Variants in EFR3B observed in about 807,000 individuals in gnomAD.
EFR3B encodes EFR3 homolog B, also known as protein EFR3 homolog B.
EFR3B carries 64 observed loss-of-function variants against 104.7 expected under a neutral mutation model. The ratio of observed to expected loss-of-function variants is 0.61; its 90% confidence interval spans 0.50 to 0.75. EFR3B has a LOEUF of 0.75. Ranked by LOEUF, EFR3B falls within the 30% of genes least tolerant of loss-of-function variation. The pLI, the probability that EFR3B is intolerant of heterozygous loss-of-function variation, is 0.00. For missense variants in EFR3B, 750 were observed against 1,078.5 expected (o/e 0.70, Z 4.27); for synonymous variants, 385 against 417.9 (o/e 0.92, Z 0.96).
chr2:25,065,768 C>T (rs1432926022), intron 1 of EFR3B, among the ~76,000 whole-genome samples: 3 of 152,136 alleles, frequency 2.0e-5, no homozygotes, highest in Admixed American at 6.6e-5. Flanking sequence ...CCCTGGGGTC[C>T]TTGTCTCCTT....
intron 1 of EFR3B, chr2:25,058,035 G>A (rs1232654577): frequency 6.6e-6 from 1 of 152,170 alleles, no homozygotes; most frequent in East Asian, 1.9e-4. Flanking sequence ...ATATGTAGCT[G>A]GCATGGTGAC....
chr2:25,109,707 TGAA>T (rs1429888500), intron 4 of EFR3B, among the ~76,000 whole-genome samples: 1 of 152,022 alleles, frequency 6.6e-6, no homozygotes, highest in Non-Finnish European at 1.5e-5. Flanking sequence ...GTTTGCCAGG[TGAA>T]GGGGGAGAGA....
intron 3 of EFR3B, among the ~76,000 whole-genome samples, chr2:25,100,783 C>T (rs763391337): frequency 6.6e-6 from 1 of 152,120 alleles, no homozygotes; most frequent in Non-Finnish European, 1.5e-5. Flanking sequence ...TGAGCCACAG[C>T]GCCCGGCCTC....
At chr2:25,068,487 A>G (rs2149173072) in intron 1 of EFR3B, among the ~76,000 whole-genome samples, 1 of 152,302 alleles carries the variant, frequency 6.6e-6, no homozygotes, top group South Asian at 2.1e-4. Context: ...AGCCTCATTC[A>G]TTATGCTCAT....
At chr2:25,049,052 G>A (rs1325065366) in intron 1 of EFR3B, among the ~76,000 whole-genome samples, 1 of 152,152 alleles carries the variant, frequency 6.6e-6, no homozygotes, top group Non-Finnish European at 1.5e-5. Context: ...ATTGGTCAAG[G>A]TATATAAACA....
chr2:25,151,011 G>A (rs1260084033), intron 20 of EFR3B, among the ~76,000 whole-genome samples: 1 of 149,696 alleles, frequency 6.7e-6, no homozygotes, highest in African/African-American at 2.5e-5. Flanking sequence ...CTTGAGCCCA[G>A]AAGTTTGAGA....
chr2:25,145,650 A>G (rs1558620572), intron 19 of EFR3B: 1 of 153,102 alleles, frequency 6.5e-6, no homozygotes, highest in East Asian at 1.9e-4. Context: ...GTTGGAAACT[A>G]GAAGACTTAA....
chr2:25,113,542 C>T (rs1669779315), intron 4 of EFR3B, among the ~76,000 whole-genome samples: 1 of 151,974 alleles, frequency 6.6e-6, no homozygotes, highest in African/African-American at 2.4e-5. Context: ...GTGGCGGGCG[C>T]CTGTAGTGCC....
chr2:25,074,620 C>CT lies in EFR3B; in HGVS notation c.8-16691dup, dbSNP rs771237285. Among the ~76,000 whole-genome samples, 1,126 of 144,202 alleles carry CT rather than the reference C, an allele frequency of 7.8e-3. 10 individuals carry two copies. Among genetic ancestry groups the CT allele is most frequent in the African/African-American group, 0.023 (929 of 39,696 alleles). The allele number at this position is 144,202 out of a possible 152,430, so 94.6% of individuals were successfully genotyped here. On this transcript the variant is annotated intron_variant, in intron 1 of 22. Coordinates refer to ENST00000403714, the MANE Select transcript of EFR3B (RefSeq NM_014971.2). Reference sequence around the variant, plus strand: ...CATCTTTGCCTTCACTATCTGCCAACTTTTTTTTTTTTTTGAGACAAGAGT... The same window carrying CT: ...CATCTTTGCCTTCACTATCTGCCAACTTTTTTTTTTTTTTTGAGACAAGAGT...
At chr2:25,141,620 C>T (rs1670668338) in intron 17 of EFR3B, among the ~76,000 whole-genome samples, 187 bp downstream of exon 17, 1 of 152,250 alleles carries the variant, frequency 6.6e-6, no homozygotes, top group African/African-American at 2.4e-5. Flanking sequence ...TTACTGCAGT[C>T]CATGCCTCGA....
intron 4 of EFR3B, among the ~76,000 whole-genome samples, chr2:25,105,433 G>A (rs1327559348): frequency 1.3e-5 from 2 of 152,252 alleles, no homozygotes; most frequent in Non-Finnish European, 2.9e-5. Context: ...TTACAGGCGT[G>A]AGCCACCACG....
At chr2:25,049,008 G>A (rs571099608) in intron 1 of EFR3B, among the ~76,000 whole-genome samples, 8 of 152,026 alleles carry the variant, frequency 5.3e-5, no homozygotes, top group Non-Finnish European at 7.4e-5. Context: ...TCCTACTAGC[G>A]GAATTTTTCC....
chr2:25,047,423 A>G (rs2149162322), intron 1 of EFR3B, among the ~76,000 whole-genome samples: 1 of 152,264 alleles, frequency 6.6e-6, no homozygotes, highest in Non-Finnish European at 1.5e-5. Context: ...GAGATGAATT[A>G]GGATAAGAGA....
chr2:25,086,864 A>T (rs1226967468), intron 1 of EFR3B, among the ~76,000 whole-genome samples: 1 of 152,202 alleles, frequency 6.6e-6, no homozygotes, highest in Non-Finnish European at 1.5e-5. Context: ...AAGTGCTGAG[A>T]TTACAGGCAT....
Position 25,136,422 on chromosome 2 carries a change from T to G in EFR3B, c.1485-101T>G. 1.1e-6 allele frequency: 1 copy of G among 936,284 alleles called. No homozygotes were observed. The highest frequency in any genetic ancestry group is 1.6e-6 in the Non-Finnish European group (1 of 612,234). 58.0% of individuals were successfully genotyped at this position (936,284 alleles called of 1,614,324 possible). ...CAGGGCCAGGGGAGCACTGGAGGCT[T>G]TGTACCAACTAACAATGTTGGGGAT... On this transcript the variant is annotated intron_variant, in intron 13 of 22. Coordinates refer to ENST00000403714, the MANE Select transcript of EFR3B (RefSeq NM_014971.2). The surrounding 1 kb of genome is among the most constrained non-coding windows in gnomAD (Gnocchi z 4.0).
rs959321855 is a variant in EFR3B, at chr2:25,158,949, G to T, written c.*4609G>T. On this transcript the variant is annotated 3_prime_UTR_variant, in exon 23 of 23. Coordinates refer to ENST00000403714, the MANE Select transcript of EFR3B (RefSeq NM_014971.2). ...ATATGTGAGTGCAGAATTAGTGCCCGTGGCGGTTTTCTGTATTTTAAACCC... is the reference window on the plus strand; with the variant it reads ...ATATGTGAGTGCAGAATTAGTGCCCTTGGCGGTTTTCTGTATTTTAAACCC... The T allele has an allele frequency of 6.6e-6, 1 of 152,174 alleles. No individual in the cohort carries two copies. The highest frequency in any genetic ancestry group is 2.1e-4 in the South Asian group (1 of 4,834). The allele number at this position is 152,174 out of a possible 1,614,324, so 9.4% of individuals were successfully genotyped here. A position where few individuals can be genotyped will look rare whatever the true frequency, so the allele number is the denominator to read the frequency against.
chr2:25,082,635 G>A (rs551573), intron 1 of EFR3B, among the ~76,000 whole-genome samples: 59,443 of 152,056 alleles, frequency 0.39, 13,985 homozygotes, highest in East Asian at 0.79. Context: ...TTTTCTGCTC[G>A]ATCACACTGT....
intron 1 of EFR3B, among the ~76,000 whole-genome samples, chr2:25,049,213 G>A (rs1051986229): frequency 6.6e-6 from 1 of 152,200 alleles, no homozygotes; most frequent in Non-Finnish European, 1.5e-5. Context: ...GATAGAAAAT[G>A]TATATCACTT....
chr2:25,057,834 C>T (rs1573168112), intron 1 of EFR3B, among the ~76,000 whole-genome samples: 1 of 149,426 alleles, frequency 6.7e-6, no homozygotes, highest in Non-Finnish European at 1.5e-5. Context: ...AAATTAAAAA[C>T]TTTTGTGCAT....
Sources: gnomAD v4.1 joint callset for allele counts (sites outside exome capture counted in the v4.1 genomes callset) on GRCh38, gnomAD v4.1.1 for gene constraint, Gnocchi (gnomAD v3.1) non-coding constraint, MANE v1.5 for transcripts, NCBI Gene and HGNC (gene_info 2026-07-23, HGNC 2026-07-21) for gene names.